AGMO: variants seen among roughly 807,000 people sequenced by gnomAD.
AGMO encodes the protein alkylglycerol monooxygenase.
AGMO carries 75 observed loss-of-function variants against 60.2 expected under a neutral mutation model. The ratio of observed to expected loss-of-function variants is 1.25; its 90% confidence interval spans 1.03 to 1.51. AGMO has a LOEUF of 1.51. Ranked by LOEUF, AGMO falls within the 40% of genes most tolerant of loss-of-function variation. The pLI is 0.00. For missense variants in AGMO, 763 were observed against 525.5 expected (o/e 1.45, Z -4.42); for synonymous variants, 261 against 177.1 (o/e 1.47, Z -3.76).
intron 5 of AGMO, among the ~76,000 whole-genome samples, chr7:15,404,928 T>C (rs28547943): frequency 0.093 from 14,176 of 151,908 alleles, 821 homozygotes; most frequent in South Asian, 0.15. Context: ...TCATCCATTA[T>C]AAACTTTTAT....
At chr7:15,428,230 C>T (rs1490310544) in intron 4 of AGMO, among the ~76,000 whole-genome samples, 1 of 152,036 alleles carries the variant, frequency 6.6e-6, no homozygotes, top group African/African-American at 2.4e-5. Context: ...TCTTAGAAGT[C>T]TTTAACCATC....
At chr7:15,513,148 A>G (rs557618647) in intron 3 of AGMO, among the ~76,000 whole-genome samples, 158 of 152,328 alleles carry the variant, frequency 1.0e-3, no homozygotes, top group African/African-American at 3.7e-3. Flanking sequence ...ATTGTCAAGC[A>G]TAATTGCTTG....
At chr7:15,494,449 T>G (rs929360606) in intron 3 of AGMO, among the ~76,000 whole-genome samples, 3 of 152,196 alleles carry the variant, frequency 2.0e-5, no homozygotes, top group African/African-American at 7.2e-5. Flanking sequence ...GCAATTATAG[T>G]ATAAATACAT....
At chr7:15,227,926 G>C (rs989377252) in intron 12 of AGMO, among the ~76,000 whole-genome samples, 1 of 152,086 alleles carries the variant, frequency 6.6e-6, no homozygotes, top group African/African-American at 2.4e-5. Flanking sequence ...CTTGGTATTA[G>C]AGTATTGGCT....
chr7:15,416,989 T>G (rs1400446079), intron 5 of AGMO, among the ~76,000 whole-genome samples: 1 of 152,220 alleles, frequency 6.6e-6, no homozygotes, highest in Non-Finnish European at 1.5e-5. Flanking sequence ...TCCTGAATTA[T>G]TCTACTATTT....
chr7:15,423,139 G>A lies in AGMO; in HGVS notation c.514-4486C>T, dbSNP rs150422204. On this transcript the variant is annotated intron_variant, in intron 4 of 12. Transcript: ENST00000342526. ...AAAATATTTCATTAACATTACTAATGTACATATTTCTAGGATTTTCATTTA... is the reference window on the plus strand; with the variant it reads ...AAAATATTTCATTAACATTACTAATATACATATTTCTAGGATTTTCATTTA... Among the ~76,000 whole-genome samples, 1,491 of 152,214 alleles carry A rather than the reference G, an allele frequency of 9.8e-3. 21 individuals are homozygous for A. Among genetic ancestry groups the A allele is most frequent in the Middle Eastern group, 0.031 (9 of 294 alleles).
At chr7:15,178,075 A>C in the AGMO span, among the ~76,000 whole-genome samples, 3 of 152,126 alleles carry the variant, frequency 2.0e-5, no homozygotes, top group East Asian at 5.8e-4. Context: ...TTCCTGGTTC[A>C]ATCCTTATTA....
chr7:15,145,128 G>C, the AGMO span, among the ~76,000 whole-genome samples: 1 of 152,086 alleles, frequency 6.6e-6, no homozygotes, highest in Non-Finnish European at 1.5e-5. Flanking sequence ...GCGCCCGGCC[G>C]GCGTTAAGTT....
chr7:15,466,485 G>C (rs73290427), intron 3 of AGMO, among the ~76,000 whole-genome samples: 1 of 152,006 alleles, frequency 6.6e-6, no homozygotes, highest in African/African-American at 2.4e-5. Context: ...GAAGTAGGTA[G>C]CATTAATGGC....
chr7:15,396,577 C>T (rs1163075297), intron 5 of AGMO: 1 of 152,318 alleles, frequency 6.6e-6, no homozygotes, highest in African/African-American at 2.4e-5. Flanking sequence ...CAGCTTGCCG[C>T]TCCTTGCTTG....
In AGMO at chr7:15,273,413, G is replaced by C. The variant is rs183907868; in HGVS notation, c.1264-72054C>G. Among the ~76,000 whole-genome samples, 301 of 152,236 alleles carry C rather than the reference G, an allele frequency of 2.0e-3. 2 individuals carry two copies. The highest frequency in any genetic ancestry group is 0.01 in the Middle Eastern group (3 of 294). On this transcript the variant is annotated intron_variant, in intron 12 of 12. Coordinates refer to ENST00000342526, the MANE Select transcript of AGMO (RefSeq NM_001004320.2). ...CTTTCCTCATTTCTTGTTTTTGTCA[G>C]GTTTGTCAAAGATCAGATGGTTGTG...
At chr7:15,376,192 T>C (rs536096732) in intron 10 of AGMO, among the ~76,000 whole-genome samples, 1 of 151,938 alleles carries the variant, frequency 6.6e-6, no homozygotes, top group East Asian at 1.9e-4. Context: ...ATTCCTTTTT[T>C]TTCCCCCACA....
At chr7:15,450,597 A>C (rs1032189440) in intron 3 of AGMO, among the ~76,000 whole-genome samples, 3 of 152,198 alleles carry the variant, frequency 2.0e-5, no homozygotes, top group Non-Finnish European at 2.9e-5. Context: ...AGAAATATTT[A>C]CACAAATAAT....
intron 8 of AGMO, among the ~76,000 whole-genome samples, chr7:15,389,038 T>C (rs1434677041): frequency 6.6e-6 from 1 of 152,188 alleles, no homozygotes; most frequent in Non-Finnish European, 1.5e-5. Context: ...GTGCAGCTCT[T>C]ATTGTATTTA....
At chr7:15,188,408 T>G in the AGMO span, among the ~76,000 whole-genome samples, 1 of 152,196 alleles carries the variant, frequency 6.6e-6, no homozygotes, top group Non-Finnish European at 1.5e-5. Flanking sequence ...TATGTAAGAT[T>G]TCATGTCCAT....
chr7:15,463,934 A>G (rs941634114), intron 3 of AGMO, among the ~76,000 whole-genome samples: 2 of 152,212 alleles, frequency 1.3e-5, no homozygotes, highest in Non-Finnish European at 2.9e-5. Context: ...ATGCTGTAAG[A>G]TTGAGAAATC....
intron 12 of AGMO, among the ~76,000 whole-genome samples, chr7:15,342,172 TAAAAAAAAAA>T (rs775057626): frequency 2.6e-4 from 14 of 54,300 alleles, no homozygotes; most frequent in Admixed American, 1.7e-3. Flanking sequence ...CCCACAGAGT[TAAAAAAAAAA>T]AAAAAAAAAA....
chr7:15,243,505 T>C (rs578152404), intron 12 of AGMO, among the ~76,000 whole-genome samples: 1 of 152,286 alleles, frequency 6.6e-6, no homozygotes, highest in African/African-American at 2.4e-5. Flanking sequence ...GTATGACGGA[T>C]AGCTATGGAT....
At chr7:15,559,141 C>A (rs1562573689) in intron 2 of AGMO, among the ~76,000 whole-genome samples, 1 of 152,056 alleles carries the variant, frequency 6.6e-6, no homozygotes, top group Non-Finnish European at 1.5e-5. Flanking sequence ...ATTATTGAGT[C>A]CCAATATCAT....
Sources: allele counts gnomAD v4.1 joint callset (sites outside exome capture counted in the v4.1 genomes callset), GRCh38; gene constraint gnomAD v4.1.1; transcripts MANE v1.5; gene names NCBI Gene and HGNC (gene_info 2026-07-23, HGNC 2026-07-21).